RBM27: variants seen among roughly 807,000 people sequenced by gnomAD.
The protein encoded by RBM27 is RNA-binding protein 27.
RBM27 carries 22 observed loss-of-function variants against 135.3 expected under a neutral mutation model. The ratio of observed to expected loss-of-function variants is 0.16; its 90% CI spans 0.12 to 0.23. The LOEUF (loss-of-function observed/expected upper bound fraction) is 0.23. Among genes scored for constraint, RBM27 ranks in the 10% least tolerant of loss-of-function variants. The pLI is 1.00. For missense variants in RBM27, 1,009 were observed against 1,281.0 expected (o/e 0.79, Z 3.24); for synonymous variants, 481 against 442.4 (o/e 1.09, Z -1.10).
intron 1 of RBM27, among the ~76,000 whole-genome samples, chr5:146,208,263 T>A (rs958698502): frequency 6.6e-6 from 1 of 152,052 alleles, no homozygotes; most frequent in Non-Finnish European, 1.5e-5. Flanking sequence ...CAACAGGAGG[T>A]ATTTCTAAAC....
At chr5:146,214,519 G>A (rs1756108086) in intron 1 of RBM27, among the ~76,000 whole-genome samples, 1 of 152,174 alleles carries the variant, frequency 6.6e-6, no homozygotes, top group African/African-American at 2.4e-5. Flanking sequence ...ACTTCTGGAA[G>A]TCTTGTTGAG....
Position 146,288,114 on chromosome 5 carries a change from T to C in RBM27, c.*2084T>C, listed in dbSNP as rs1561577332. ...AGCGTATAGATTTCAATAAGAATTG[T>C]TGTATTTTTGTATTTGGAAACTGAA... On this transcript the variant is annotated 3_prime_UTR_variant, in exon 21 of 21. Transcript: ENST00000265271. 2 of 152,050 alleles carry C rather than the reference T, an allele frequency of 1.3e-5. No homozygotes were observed. Among genetic ancestry groups the C allele is most frequent in the Non-Finnish European group, 2.9e-5 (2 of 67,948 alleles). 9.4% of individuals were successfully genotyped at this position (152,050 alleles called of 1,614,324 possible). A position where few individuals can be genotyped will look rare whatever the true frequency, so the allele number is the denominator to read the frequency against.
chr5:146,204,790 G>A, intron 1 of RBM27, among the ~76,000 whole-genome samples: 1 of 152,194 alleles, frequency 6.6e-6, no homozygotes, highest in East Asian at 1.9e-4. Context: ...TGTAGTATGA[G>A]GGACCGAAAA....
intron 2 of RBM27, among the ~76,000 whole-genome samples, chr5:146,222,352 T>G (rs1002888826): frequency 1.8e-4 from 28 of 152,234 alleles, no homozygotes; most frequent in Non-Finnish European, 3.5e-4. Flanking sequence ...TAGCTGTTCC[T>G]TAGGGTAGGA....
In RBM27 at chr5:146,203,621, C is replaced by G. The variant is rs1320459871; in HGVS notation, c.-145C>G. ...TCTTGGGTTAGTTCCTGTTAGGCCCCGGCCGGGGGAGTAGGTTGAAGTCTC... is the reference window on the plus strand; with the variant it reads ...TCTTGGGTTAGTTCCTGTTAGGCCCGGGCCGGGGGAGTAGGTTGAAGTCTC... On this transcript the variant is annotated 5_prime_UTR_variant, in exon 1 of 21. Coordinates refer to ENST00000265271, the MANE Select transcript of RBM27 (RefSeq NM_018989.2). 2 of 715,646 alleles carry G rather than the reference C, an allele frequency of 2.8e-6. No homozygotes were observed. Among genetic ancestry groups the G allele is most frequent in the African/African-American group, 1.8e-5 (1 of 54,784 alleles). 44.3% of individuals were successfully genotyped at this position (715,646 alleles called of 1,614,324 possible).
intron 19 of RBM27, among the ~76,000 whole-genome samples, chr5:146,278,698 G>A (rs759346605): frequency 4.6e-5 from 7 of 151,200 alleles, no homozygotes; most frequent in Non-Finnish European, 1.0e-4. Context: ...GAACCATCCT[G>A]TATTGATGGA....
intron 7 of RBM27, among the ~76,000 whole-genome samples, chr5:146,236,716 C>T (rs915036735): frequency 2.0e-5 from 3 of 151,970 alleles, no homozygotes; most frequent in Non-Finnish European, 4.4e-5. Context: ...CTCCACCTCC[C>T]ATGTTCAAGT....
At position 146,203,715 on chromosome 5, in the gene RBM27, C is replaced by A. The variant is rs548566876; in HGVS notation, c.-51C>A. 6.6e-7 allele frequency: 1 copy of A among 1,522,924 alleles called. No homozygotes were observed. Among genetic ancestry groups the A allele is most frequent in the South Asian group, 1.2e-5 (1 of 83,260 alleles). The allele number at this position is 1,522,924 out of a possible 1,614,324, so 94.3% of individuals were successfully genotyped here. On this transcript the variant is annotated 5_prime_UTR_variant, in exon 1 of 21. Transcript: ENST00000265271. Reference sequence around the variant, plus strand: ...ACGTGAGGGGGCGGCGTAGTGGAGACCCACGGCAGGCCTGAAGAAGAGCGG... The same window carrying A: ...ACGTGAGGGGGCGGCGTAGTGGAGAACCACGGCAGGCCTGAAGAAGAGCGG...
intron 1 of RBM27, 53 bp downstream of exon 1, chr5:146,203,877 CGGGGGCGTGGGGGAGGGGA>C: frequency 8.0e-6 from 1 of 125,270 alleles, no homozygotes; most frequent in Non-Finnish European, 1.5e-5. Context: ...TGGGGGCTCG[CGGGGGCGTGGGGGAGGGGA>C]GGTGGCGTGG....
At chr5:146,231,327 A>G (rs1211408037) in intron 6 of RBM27, among the ~76,000 whole-genome samples, 1 of 151,906 alleles carries the variant, frequency 6.6e-6, no homozygotes, top group Non-Finnish European at 1.5e-5. Flanking sequence ...CTGGTCTCGA[A>G]CTCCTGACCT....
intron 19 of RBM27, among the ~76,000 whole-genome samples, chr5:146,278,412 A>G (rs1355012934): frequency 1.3e-5 from 2 of 152,330 alleles, no homozygotes; most frequent in Admixed American, 1.3e-4. Flanking sequence ...ATGAAAAATA[A>G]GATTTCCTTC....
chr5:146,275,234 C>T (rs1759044073), intron 19 of RBM27, among the ~76,000 whole-genome samples: 1 of 151,226 alleles, frequency 6.6e-6, no homozygotes, highest in Non-Finnish European at 1.5e-5. Context: ...TCAAAATCAG[C>T]GAATCCAGAA....
intron 8 of RBM27, 28 bp downstream of exon 8, chr5:146,237,460 T>C: frequency 6.2e-7 from 1 of 1,611,550 alleles, no homozygotes; most frequent in East Asian, 2.2e-5. Flanking sequence ...GACTTAAAAT[T>C]GACAGGGTAT....
intron 14 of RBM27, among the ~76,000 whole-genome samples, chr5:146,265,380 G>A (rs1758570304): frequency 6.6e-6 from 1 of 152,028 alleles, no homozygotes; most frequent in African/African-American, 2.4e-5. Context: ...AAAAAGTAGA[G>A]GCACTGAACA....
intron 2 of RBM27, among the ~76,000 whole-genome samples, chr5:146,221,439 GA>G (rs1282907558): frequency 6.6e-6 from 1 of 151,908 alleles, no homozygotes; most frequent in Non-Finnish European, 1.5e-5. Context: ...CAGAGAAATT[GA>G]TTTTTTTTTT....
intron 1 of RBM27, among the ~76,000 whole-genome samples, chr5:146,211,494 T>C (rs1394853146): frequency 1.6e-3 from 173 of 108,584 alleles, no homozygotes; most frequent in Non-Finnish European, 2.7e-3. Flanking sequence ...TTTTTTTTTT[T>C]ACTTTGAGAG....
At chr5:146,229,185 T>G in intron 4 of RBM27, 148 bp downstream of exon 4, 1 of 630,328 alleles carries the variant, frequency 1.6e-6, no homozygotes. Context: ...CTTTCATTCT[T>G]TCTGTTTTTT....
At chr5:146,231,012 T>G (rs1756906417) in intron 6 of RBM27, 95 bp downstream of exon 6, 1 of 1,334,308 alleles carries the variant, frequency 7.5e-7, no homozygotes, top group African/African-American at 1.5e-5. Context: ...GTCCAGTTTA[T>G]TTTATTTTAT....
intron 14 of RBM27, among the ~76,000 whole-genome samples, chr5:146,267,284 AG>A (rs1758655730): frequency 6.6e-6 from 1 of 152,230 alleles, no homozygotes; most frequent in Non-Finnish European, 1.5e-5. Context: ...AGTCATTACC[AG>A]GATAAACAGA....
Sources: gnomAD v4.1 joint callset for allele counts (sites outside exome capture counted in the v4.1 genomes callset) on GRCh38, gnomAD v4.1.1 for gene constraint, MANE v1.5 for transcripts, NCBI Gene and HGNC (gene_info 2026-07-23, HGNC 2026-07-21) for gene names.